BMP2K: variants seen among roughly 807,000 people sequenced by gnomAD.
BMP2K encodes the protein BMP-2-inducible protein kinase.
Under a neutral mutation model 116.0 loss-of-function variants are expected in BMP2K, and 74 were observed. That is an observed-to-expected ratio of 0.64 (90% CI 0.53 to 0.77). The LOEUF (loss-of-function observed/expected upper bound fraction) is 0.77, where lower values mean the gene tolerates loss of function less well. Ranked by LOEUF, BMP2K falls within the 30% of genes least tolerant of loss-of-function variation. BMP2K has a pLI of 0.00. For missense variants in BMP2K, 1,365 were observed against 1,403.6 expected (o/e 0.97, Z 0.44); for synonymous variants, 486 against 502.5 (o/e 0.97, Z 0.44).
At chr4:78,843,141 C>T (rs992786855) in intron 4 of BMP2K, among the ~76,000 whole-genome samples, 2 of 151,912 alleles carry the variant, frequency 1.3e-5, no homozygotes, top group Non-Finnish European at 2.9e-5. Flanking sequence ...TAATTTATAA[C>T]TGCAGGTGTC....
intron 2 of BMP2K, among the ~76,000 whole-genome samples, chr4:78,830,011 A>T (rs1730131324): frequency 6.6e-6 from 1 of 151,866 alleles, no homozygotes; most frequent in Non-Finnish European, 1.5e-5. Flanking sequence ...AGGAGCTGGG[A>T]CTATAGGCAG....
At chr4:78,799,818 G>T (rs1469286690) in intron 1 of BMP2K, among the ~76,000 whole-genome samples, 1 of 152,164 alleles carries the variant, frequency 6.6e-6, no homozygotes, top group Non-Finnish European at 1.5e-5. Context: ...TGTGGTTGAA[G>T]GTCCCTGCCT....
At chr4:78,812,836 C>T (rs1729153405) in intron 1 of BMP2K, among the ~76,000 whole-genome samples, 1 of 152,058 alleles carries the variant, frequency 6.6e-6, no homozygotes, top group East Asian at 1.9e-4. Flanking sequence ...AGTTGGAGAC[C>T]AGCCTGGGCA....
chr4:78,878,724 A>G lies in BMP2K; in HGVS notation c.1794-10A>G, dbSNP rs1358724250. 2 of 1,575,174 alleles carry G rather than the reference A, an allele frequency of 1.3e-6. No individual in the cohort carries two copies. Among genetic ancestry groups the G allele is most frequent in the Middle Eastern group, 1.7e-4 (1 of 5,868 alleles). ...CCATCTTCTTTTTTCTTACTCAATTATTACTATAGGTCAGTTGCTGATAAA... is the reference window on the plus strand; with the variant it reads ...CCATCTTCTTTTTTCTTACTCAATTGTTACTATAGGTCAGTTGCTGATAAA... On this transcript the variant is annotated splice_polypyrimidine_tract_variant and intron_variant, in intron 13 of 15. Transcript: ENST00000502613.
chr4:78,888,875 C>T (rs1452707652), intron 15 of BMP2K, among the ~76,000 whole-genome samples: 1 of 152,136 alleles, frequency 6.6e-6, no homozygotes, highest in African/African-American at 2.4e-5. Context: ...AAAATCATGA[C>T]TATCTATAAA....
chr4:78,872,112 A>G (rs1226584129), intron 12 of BMP2K, among the ~76,000 whole-genome samples, 164 bp downstream of exon 12: 1 of 152,182 alleles, frequency 6.6e-6, no homozygotes, highest in Non-Finnish European at 1.5e-5. Flanking sequence ...TTTAAATTGC[A>G]CTGAACTATG....
intron 11 of BMP2K, 107 bp from the exon 12 acceptor site, chr4:78,871,743 G>A (rs1162276075): frequency 6.3e-6 from 4 of 639,032 alleles, no homozygotes; most frequent in Non-Finnish European, 1.1e-5. Flanking sequence ...TTGTATTGAT[G>A]TTTGGACTAC....
chr4:78,865,765 ATAAACCT>A, intron 10 of BMP2K, 45 bp downstream of exon 10: 1 of 1,575,730 alleles, frequency 6.3e-7, no homozygotes, highest in South Asian at 1.1e-5. Flanking sequence ...GTTAATGTTA[ATAAACCT>A]TTCATGATTT....
At chr4:78,793,115 T>C (rs1728084082) in intron 1 of BMP2K, among the ~76,000 whole-genome samples, 1 of 152,166 alleles carries the variant, frequency 6.6e-6, no homozygotes, top group Non-Finnish European at 1.5e-5. Context: ...CTATTTTTTA[T>C]TAAATTGTTA....
intron 15 of BMP2K, among the ~76,000 whole-genome samples, chr4:78,891,001 C>T (rs1318220528): frequency 6.6e-6 from 1 of 152,114 alleles, no homozygotes; most frequent in Non-Finnish European, 1.5e-5. Context: ...GAGTTTAAGA[C>T]CAGTCTGGGT....
chr4:78,818,937 C>T (rs886610026), intron 1 of BMP2K, among the ~76,000 whole-genome samples: 1 of 151,976 alleles, frequency 6.6e-6, no homozygotes, highest in African/African-American at 2.4e-5. Flanking sequence ...GTTGGGATTA[C>T]AAGTGCATGC....
intron 7 of BMP2K, among the ~76,000 whole-genome samples, chr4:78,852,578 A>G (rs1731310195): frequency 6.6e-6 from 1 of 152,106 alleles, no homozygotes; most frequent in Non-Finnish European, 1.5e-5. Context: ...TTTAGAAAAC[A>G]TTTAGATTCT....
chr4:78,866,611 A>G (rs1174520485), intron 10 of BMP2K, among the ~76,000 whole-genome samples: 1 of 152,142 alleles, frequency 6.6e-6, no homozygotes, highest in African/African-American at 2.4e-5. Context: ...GTTACTATCA[A>G]GTAAAGTATA....
At chr4:78,910,430 C>G (rs535978780) in intron 15 of BMP2K, among the ~76,000 whole-genome samples, 180 bp from the exon 16 acceptor site, 1 of 152,304 alleles carries the variant, frequency 6.6e-6, no homozygotes, top group Middle Eastern at 3.4e-3. Context: ...ACTTAACTAT[C>G]TACCTGAGGT....
intron 1 of BMP2K, among the ~76,000 whole-genome samples, chr4:78,788,915 TA>T (rs57174914): frequency 1.3e-5 from 2 of 150,892 alleles, no homozygotes; most frequent in East Asian, 1.9e-4. Flanking sequence ...TTTTTTTTTT[TA>T]AATACACTAA....
chr4:78,913,551 C>T lies in BMP2K; in HGVS notation c.*1518C>T, dbSNP rs1308914162. ...ACAGAAAGGAGTAGAAACTCATCAA[C>T]TGGCACTCTCTTTGATTTTTATATT... On this transcript the variant is annotated 3_prime_UTR_variant, in exon 16 of 16. Coordinates refer to ENST00000502613, the MANE Select transcript of BMP2K (RefSeq NM_198892.2). 6.6e-6 allele frequency: 1 copy of T among 152,130 alleles called. No homozygotes were observed. The highest frequency in any genetic ancestry group is 6.6e-5 in the Admixed American group (1 of 15,262). The allele number at this position is 152,130 out of a possible 1,614,324, so 9.4% of individuals were successfully genotyped here.
rs1233812439 is a variant in BMP2K, at chr4:78,850,962, T to A, written c.789T>A (p.Thr263=). Residue 263 remains threonine (T), a synonymous_variant, in exon 7 of 16, where the codon ACT becomes ACA. Transcript: ENST00000502613. ...GCLLYKLCFF[T]LPFGESQVAI... is the part of the protein sequence containing the mutation. ...TACTCTATAAACTTTGTTTCTTCAC[T>A]CTTCCTTTTGGTGAGAGTCAGGTTG... The A allele has an allele frequency of 6.2e-7, 1 of 1,612,430 alleles. No individual in the cohort carries two copies. The highest frequency in any genetic ancestry group is 1.7e-5 in the Admixed American group (1 of 59,870).
intron 3 of BMP2K, among the ~76,000 whole-genome samples, chr4:78,837,395 A>T (rs1014105175): frequency 6.6e-6 from 1 of 151,974 alleles, no homozygotes; most frequent in East Asian, 1.9e-4. Context: ...GGGTTTTGCC[A>T]TGTTGGCCAG....
At chr4:78,778,231 A>G (rs185652611) in intron 1 of BMP2K, among the ~76,000 whole-genome samples, 4 of 152,354 alleles carry the variant, frequency 2.6e-5, no homozygotes, top group Non-Finnish European at 5.9e-5. Flanking sequence ...AAATACTGAC[A>G]TTTCACAAAT....
Sources: allele counts gnomAD v4.1 joint callset (sites outside exome capture counted in the v4.1 genomes callset), GRCh38; gene constraint gnomAD v4.1.1; transcripts MANE v1.5; gene names NCBI Gene and HGNC (gene_info 2026-07-23, HGNC 2026-07-21).